CRYZ: variants seen among roughly 807,000 people sequenced by gnomAD.
CRYZ encodes the protein zeta-crystallin.
In CRYZ, 35 loss-of-function variants were observed where a neutral mutation model predicts 34.1. The observed-to-expected ratio is 1.03, with a 90% CI of 0.78 to 1.36. The LOEUF is 1.36. Ranked by LOEUF, CRYZ falls within the 40% of genes most tolerant of loss-of-function variation. The pLI is 0.00. For missense variants in CRYZ, 403 were observed against 391.8 expected, an observed-to-expected ratio of 1.03 and a Z score of -0.24; for synonymous variants, 137 against 136.5, an observed-to-expected ratio of 1.00 and a Z score of -0.03.
chr1:74,724,735 T>C lies in CRYZ; in HGVS notation c.87A>G (p.Ala29=), dbSNP rs377250201. 7 of 1,611,670 alleles carry C rather than the reference T, an allele frequency of 4.3e-6. No homozygotes were observed. Among genetic ancestry groups the C allele is most frequent in the Non-Finnish European group, 5.1e-6 (6 of 1,178,480 alleles). Residue 29 remains alanine, a synonymous_variant, in exon 2 of 9, where the codon GCA becomes GCG. Coordinates refer to ENST00000340866, the MANE Select transcript of CRYZ (RefSeq NM_001889.4). ...PEVLKLRSDI[A]VPIPKDHQVL... is the part of the protein sequence containing the mutation. ...CCTGATGGTCTTTTGGAATCGGTAC[T>C]GCAATATCTGATCGCAATTTCAGGA...
At chr1:74,721,569 A>G (rs1253146220) in intron 3 of CRYZ, among the ~76,000 whole-genome samples, 1 of 152,240 alleles carries the variant, frequency 6.6e-6, no homozygotes. Flanking sequence ...GAAAAGAGAA[A>G]GTGTCTATTA....
chr1:74,718,991 AG>A (rs2100712968), intron 4 of CRYZ, among the ~76,000 whole-genome samples: 1 of 152,254 alleles, frequency 6.6e-6, no homozygotes, highest in South Asian at 2.1e-4. Context: ...TTCCCTTACT[AG>A]ACTGTGAGCA....
chr1:74,729,140 T>G (rs1471381921), intron 1 of CRYZ, among the ~76,000 whole-genome samples: 11 of 151,854 alleles, frequency 7.2e-5, no homozygotes, highest in Middle Eastern at 3.2e-3. Flanking sequence ...TTTTGTTTTT[T>G]TTTTTTTCAA....
chr1:74,725,261 G>A (rs565022530), intron 1 of CRYZ, among the ~76,000 whole-genome samples: 2 of 152,266 alleles, frequency 1.3e-5, no homozygotes, highest in East Asian at 3.9e-4. Flanking sequence ...TTTTCATACT[G>A]CTATGAAGAA....
intron 1 of CRYZ, among the ~76,000 whole-genome samples, chr1:74,727,667 A>AC (rs397980531): frequency 6.7e-6 from 1 of 148,638 alleles, no homozygotes; most frequent in Non-Finnish European, 1.5e-5. Context: ...AAAAAAAAAA[A>AC]CCCAACAGAT....
chr1:74,720,122 A>G (rs1304921569), intron 3 of CRYZ, among the ~76,000 whole-genome samples: 1 of 152,126 alleles, frequency 6.6e-6, no homozygotes, highest in Non-Finnish European at 1.5e-5. Flanking sequence ...GCAGCTAGTA[A>G]ATAGCAGTCA....
chr1:74,727,480 A>AT (rs1491535143), intron 1 of CRYZ, among the ~76,000 whole-genome samples: 1 of 148,044 alleles, frequency 6.8e-6, no homozygotes, highest in Non-Finnish European at 1.5e-5. Context: ...AAAAAAAAAA[A>AT]AATTAGCCGG....
At chr1:74,731,922 T>C (rs983430879) in intron 1 of CRYZ, among the ~76,000 whole-genome samples, 3 of 152,202 alleles carry the variant, frequency 2.0e-5, no homozygotes, top group Non-Finnish European at 4.4e-5. Flanking sequence ...TTATTCTAGG[T>C]GGTGGGCGTC....
At position 74,710,075 on chromosome 1, in the gene CRYZ, T is replaced by G. The variant is rs748451857; in HGVS notation, c.630+23A>C. On this transcript the variant is annotated intron_variant, in intron 6 of 8. Coordinates refer to ENST00000340866, the MANE Select transcript of CRYZ (RefSeq NM_001889.4). ...TCTCCAAGGAACAAAGTTTGACTTT[T>G]GTAAAACAGTGGAAAATTTTACCTT... The G allele has an allele frequency of 3.1e-6, 5 of 1,605,984 alleles. No homozygotes were observed. In the East Asian group the frequency reaches 1.1e-4, roughly 36 times the overall value.
At chr1:74,707,581 T>C (rs2100689618) in intron 6 of CRYZ, 1 of 155,078 alleles carries the variant, frequency 6.4e-6, no homozygotes, top group East Asian at 1.9e-4. Context: ...CTCCCATTTT[T>C]ATTAATAAAC....
At chr1:74,723,556 C>T (rs1163048141) in intron 2 of CRYZ, among the ~76,000 whole-genome samples, 1 of 152,210 alleles carries the variant, frequency 6.6e-6, no homozygotes, top group Admixed American at 6.5e-5. Flanking sequence ...CCGTTTTCTC[C>T]TTTTCCTGGG....
At chr1:74,729,595 G>T (rs1647589633) in intron 1 of CRYZ, among the ~76,000 whole-genome samples, 1 of 148,036 alleles carries the variant, frequency 6.8e-6, no homozygotes, top group East Asian at 2.0e-4. Flanking sequence ...AGTGAGCCAT[G>T]ATCCTGCCAC....
At chr1:74,731,253 C>G (rs75917962) in intron 1 of CRYZ, among the ~76,000 whole-genome samples, 1 of 151,704 alleles carries the variant, frequency 6.6e-6, no homozygotes, top group Non-Finnish European at 1.5e-5. Flanking sequence ...TTGATTTAAA[C>G]GAAAATTAAA....
intron 6 of CRYZ, chr1:74,708,065 G>A (rs1338044036): frequency 6.6e-6 from 1 of 151,168 alleles, no homozygotes; most frequent in Admixed American, 6.6e-5. Flanking sequence ...AGGAAAATGA[G>A]TAAGGGGAAG....
intron 1 of CRYZ, among the ~76,000 whole-genome samples, chr1:74,729,110 G>C (rs1486799048): frequency 5.4e-5 from 8 of 147,000 alleles, no homozygotes; most frequent in Admixed American, 2.1e-4. Flanking sequence ...GTGGATATAA[G>C]AACATAGAGG....
intron 5 of CRYZ, among the ~76,000 whole-genome samples, chr1:74,713,400 AAATTT>A (rs1392334565): frequency 8.5e-5 from 13 of 152,208 alleles, no homozygotes; most frequent in African/African-American, 3.1e-4. Flanking sequence ...ACTTAGGGTT[AAATTT>A]AATTTAACCC....
chr1:74,724,347 A>G (rs955372148), intron 2 of CRYZ, among the ~76,000 whole-genome samples: 11 of 152,236 alleles, frequency 7.2e-5, no homozygotes, highest in Admixed American at 3.9e-4. Context: ...ATGAAAAAGC[A>G]TGAATGCAAA....
intron 1 of CRYZ, among the ~76,000 whole-genome samples, chr1:74,727,926 A>G (rs1185522175): frequency 6.6e-6 from 1 of 152,178 alleles, no homozygotes; most frequent in Admixed American, 6.5e-5. Flanking sequence ...GGTGACTATA[A>G]CCATAAATTT....
intron 5 of CRYZ, among the ~76,000 whole-genome samples, chr1:74,710,539 T>A (rs1189833868): frequency 6.6e-6 from 1 of 152,236 alleles, no homozygotes; most frequent in East Asian, 1.9e-4. Flanking sequence ...CTTCAAATTA[T>A]AAGTAATTTG....
Sources: gnomAD v4.1 joint callset for allele counts (sites outside exome capture counted in the v4.1 genomes callset) on GRCh38, gnomAD v4.1.1 for gene constraint, MANE v1.5 for transcripts, NCBI Gene and HGNC (gene_info 2026-07-23, HGNC 2026-07-21) for gene names.